Variants in BMS1 observed in about 807,000 individuals in gnomAD.
BMS1 encodes the protein ribosome biogenesis protein BMS1 homolog.
In BMS1, 53 loss-of-function variants were observed where a neutral mutation model predicts 138.7. That is an observed-to-expected ratio of 0.38 (90% CI 0.31 to 0.48). BMS1 has a LOEUF of 0.48. Among genes scored for constraint, BMS1 ranks in the 20% least tolerant of loss-of-function variants. BMS1 has a pLI of 0.97. For missense variants in BMS1, 1,360 were observed against 1,565.5 expected, an observed-to-expected ratio of 0.87 and a Z score of 2.22; for synonymous variants, 504 against 539.9, an observed-to-expected ratio of 0.93 and a Z score of 0.92.
At chr10:42,819,649 A>G (rs11239787) in intron 15 of BMS1, among the ~76,000 whole-genome samples, 71,754 of 152,026 alleles carry the variant, frequency 0.47, 17,645 homozygotes, top group East Asian at 0.63. Context: ...AAGAAAGAAG[A>G]TGTGGACTGG....
chr10:42,796,735 T>G lies in BMS1; in HGVS notation c.1491T>G (p.Asp497Glu), dbSNP rs1841697352. Reference protein sequence around the residue: ...KLELEEDSEMDLPAFADSDDD... With the variant: ...KLELEEDSEMELPAFADSDDD... ...AGTTGGAAGAAGACAGTGAAATGGATTTGCCAGCATTTGCTGACAGTGACG... is the reference window on the plus strand; with the variant it reads ...AGTTGGAAGAAGACAGTGAAATGGAGTTGCCAGCATTTGCTGACAGTGACG... The change falls in exon 10 of 23, where the codon GAT (aspartate) becomes GAG (glutamate). Residue 497 changes from aspartate (D) to glutamate (E), a missense_variant. Coordinates refer to ENST00000374518, the MANE Select transcript of BMS1 (RefSeq NM_014753.4). The G allele has an allele frequency of 6.2e-7, 1 of 1,614,002 alleles. No homozygotes were observed. The highest frequency in any genetic ancestry group is 1.3e-5 in the African/African-American group (1 of 74,898).
intron 11 of BMS1, 146 bp downstream of exon 11, chr10:42,797,669 C>T (rs2132320606): frequency 1.3e-6 from 1 of 784,210 alleles, no homozygotes; most frequent in Non-Finnish European, 2.0e-6. Flanking sequence ...CTCTAATCAT[C>T]AGCTTATGAG....
chr10:42,794,875 C>G (rs1209240145), intron 9 of BMS1, among the ~76,000 whole-genome samples: 1 of 151,936 alleles, frequency 6.6e-6, no homozygotes, highest in Non-Finnish European at 1.5e-5. Context: ...AACTTGTCAT[C>G]TAGCATTAGG....
rs1170198598 is a variant in BMS1, at chr10:42,832,646, G to A, written c.*1550G>A. On this transcript the variant is annotated 3_prime_UTR_variant, in exon 23 of 23. Transcript: ENST00000374518. ...GAGGCTCTCTAAAAGCCTAAAGTCT[G>A]TAGGCAGGTGCTCAGCTTTGTATCT... is the stretch of plus-strand genomic sequence containing the variant. 2 of 152,078 alleles carry A rather than the reference G, an allele frequency of 1.3e-5. No individual in the cohort carries two copies. Among genetic ancestry groups the A allele is most frequent in the African/African-American group, 4.8e-5 (2 of 41,408 alleles). The allele number at this position is 152,078 out of a possible 1,614,324, so 9.4% of individuals were successfully genotyped here.
chr10:42,807,931 T>C (rs764272963), intron 13 of BMS1, among the ~76,000 whole-genome samples: 1 of 152,204 alleles, frequency 6.6e-6, no homozygotes, highest in Non-Finnish European at 1.5e-5. Flanking sequence ...ATCCAGTTTC[T>C]TTACATCCTT....
chr10:42,783,904 A>T (rs189525075), intron 1 of BMS1, among the ~76,000 whole-genome samples: 17 of 152,368 alleles, frequency 1.1e-4, no homozygotes, highest in Non-Finnish European at 1.5e-5. Context: ...TTAGGAAACC[A>T]CTTCATCAGT....
chr10:42,830,222 A>G, intron 21 of BMS1, 39 bp from the exon 22 acceptor site: 1 of 1,597,652 alleles, frequency 6.3e-7, no homozygotes, highest in Non-Finnish European at 8.5e-7. Context: ...CACATTGATC[A>G]TAATTTGAAT....
intron 12 of BMS1, among the ~76,000 whole-genome samples, chr10:42,800,949 C>A (rs1034636889): frequency 3.2e-4 from 48 of 152,100 alleles, no homozygotes; most frequent in African/African-American, 1.1e-3. Context: ...ACCTGTTATC[C>A]CTTATTGAAG....
intron 1 of BMS1, 34 bp from the exon 2 acceptor site, chr10:42,784,328 T>C: frequency 7.0e-7 from 1 of 1,421,688 alleles, no homozygotes; most frequent in Non-Finnish European, 9.4e-7. Flanking sequence ...AAAATGCTTC[T>C]CCCATCTCCT....
intron 1 of BMS1, among the ~76,000 whole-genome samples, chr10:42,783,628 G>C (rs774994765): frequency 1.7e-4 from 26 of 151,788 alleles, no homozygotes; most frequent in Non-Finnish European, 2.2e-4. Flanking sequence ...CACTAATTCA[G>C]TGATTGCCAA....
intron 12 of BMS1, among the ~76,000 whole-genome samples, chr10:42,800,378 AG>A (rs1258370146): frequency 1.3e-5 from 2 of 152,308 alleles, no homozygotes; most frequent in African/African-American, 4.8e-5. Flanking sequence ...CTCAATGCCT[AG>A]AACCATACCA....
chr10:42,800,241 T>A (rs1172935261), intron 12 of BMS1, among the ~76,000 whole-genome samples: 1 of 152,150 alleles, frequency 6.6e-6, no homozygotes, highest in Non-Finnish European at 1.5e-5. Flanking sequence ...AGCAGTTGGA[T>A]GGGATTTAAA....
Position 42,798,535 on chromosome 10 carries a change from C to G in BMS1, c.2157C>G (p.Asn719Lys). ...LEELGGLFRV[N>K]QPDRECKHKA... is the part of the protein sequence containing the mutation. ...AGCTTGGAGGGTTGTTTCGTGTCAA[C>G]CAGCCTGACAGAGAGTGTAAGCACA... Residue 719 changes from asparagine (N) to lysine (K), a missense_variant, in exon 12 of 23, where the codon AAC becomes AAG. Asn to Lys is a moderately conservative substitution (Grantham distance 94). Coordinates refer to ENST00000374518, the MANE Select transcript of BMS1 (RefSeq NM_014753.4). 1 of 1,614,218 alleles carries G rather than the reference C, an allele frequency of 6.2e-7. No individual in the cohort carries two copies. Among genetic ancestry groups the G allele is most frequent in the East Asian group, 2.2e-5 (1 of 44,888 alleles).
At chr10:42,830,685 G>T (rs1167339931) in intron 22 of BMS1, among the ~76,000 whole-genome samples, 181 bp from the exon 23 acceptor site, 1 of 152,090 alleles carries the variant, frequency 6.6e-6, no homozygotes, top group Non-Finnish European at 1.5e-5. Context: ...AACAGAGGTG[G>T]TAAAGGTAAA....
chr10:42,789,540 G>T (rs1047463810), intron 4 of BMS1, among the ~76,000 whole-genome samples: 6 of 151,270 alleles, frequency 4.0e-5, no homozygotes, highest in African/African-American at 1.2e-4. Flanking sequence ...TTTAAAAATT[G>T]GTCTCATCTG....
Position 42,797,187 on chromosome 10 carries a change from A to G in BMS1, c.1943A>G (p.Glu648Gly). 6.2e-7 allele frequency: 1 copy of G among 1,610,930 alleles called. No individual in the cohort carries two copies. Among genetic ancestry groups the G allele is most frequent in the Non-Finnish European group, 8.5e-7 (1 of 1,179,086 alleles). ...GATATAGAAAATTTACTCAAAGAGG[A>G]AGAAGATTACAAGGAAGAAAATAAT... ...TSDIENLLKE[E>G]EDYKEENNDS... Residue 648 changes from glutamate (E) to glycine (G), a missense_variant, in exon 10 of 23, where the codon GAA becomes GGA. By Grantham distance (98) the Glu-to-Gly change is moderately conservative (BLOSUM62 -2). Transcript: ENST00000374518.
At chr10:42,790,592 A>G (rs1297300837) in intron 5 of BMS1, 81 bp downstream of exon 5, 22 of 1,437,800 alleles carry the variant, frequency 1.5e-5, no homozygotes, top group Non-Finnish European at 2.0e-5. Context: ...AGTGGCTAAC[A>G]CCTGTAATCC....
In BMS1 at chr10:42,830,885, C is replaced by T; in HGVS notation, c.3638C>T (p.Ala1213Val). The T allele has an allele frequency of 6.2e-7, 1 of 1,611,556 alleles. No homozygotes were observed. The highest frequency in any genetic ancestry group is 8.5e-7 in the Non-Finnish European group (1 of 1,178,982). Reference protein sequence around the residue: ...HERKILALLDALSTVHSQKMK... With the variant: ...HERKILALLDVLSTVHSQKMK... ...TGTCAGATCCTTGCACTGCTGGATGCTCTGAGTACGGTGCATAGTCAGAAG... is the reference window on the plus strand; with the variant it reads ...TGTCAGATCCTTGCACTGCTGGATGTTCTGAGTACGGTGCATAGTCAGAAG... The change falls in exon 23 of 23, where the codon GCT becomes GTT. Residue 1213 changes from alanine to valine, a missense_variant. Ala to Val is a moderately conservative substitution (Grantham distance 64, BLOSUM62 0). This residue lies in a region of BMS1 where 425 missense variants were observed against 568.3 expected (regional missense o/e 0.75). Transcript: ENST00000374518.
chr10:42,784,378 A>G lies in BMS1; in HGVS notation c.-17A>G, dbSNP rs1041331839. 2 of 1,583,942 alleles carry G rather than the reference A, an allele frequency of 1.3e-6. No individual in the cohort carries two copies. Among genetic ancestry groups the G allele is most frequent in the Non-Finnish European group, 8.5e-7 (1 of 1,171,652 alleles). Reference sequence around the variant, plus strand: ...TCCTTGTAGGTTAGAGTTACTTGTTATTGGTAAATAGCCACTATGGAGGCT... The same window carrying G: ...TCCTTGTAGGTTAGAGTTACTTGTTGTTGGTAAATAGCCACTATGGAGGCT... On this transcript the variant is annotated 5_prime_UTR_variant, in exon 2 of 23. Coordinates refer to ENST00000374518, the MANE Select transcript of BMS1 (RefSeq NM_014753.4).
Sources: allele counts gnomAD v4.1 joint callset (sites outside exome capture counted in the v4.1 genomes callset), GRCh38; gene constraint gnomAD v4.1.1; regional missense constraint gnomAD v4.1.1; transcripts MANE v1.5; gene names NCBI Gene and HGNC (gene_info 2026-07-23, HGNC 2026-07-21).